The following SLC22A5 variants were observed in gnomAD, a reference collection of about 807,000 sequenced individuals.
SLC22A5 encodes organic cation/carnitine transporter 2.
In SLC22A5, 44 loss-of-function variants were observed where a neutral mutation model predicts 56.7. The ratio of observed to expected loss-of-function variants is 0.78; its 90% CI spans 0.61 to 1.00. The LOEUF (loss-of-function observed/expected upper bound fraction) is 1.00. SLC22A5 is among the 50% of genes least tolerant of loss of function. The pLI, the probability that SLC22A5 is intolerant of heterozygous loss-of-function variation, is 0.00. For synonymous variants in SLC22A5, 278 were observed against 292.1 expected, an observed-to-expected ratio of 0.95 and a Z score of 0.49; for missense variants, 675 against 723.0, an observed-to-expected ratio of 0.93 and a Z score of 0.76.
intron 3 of SLC22A5, among the ~76,000 whole-genome samples, chr5:132,384,837 G>A (rs1752467713): frequency 6.6e-6 from 1 of 152,232 alleles, no homozygotes; most frequent in African/African-American, 2.4e-5. Flanking sequence ...TGTCTCAAAT[G>A]TGCCAGCCTG....
chr5:132,388,986 T>C lies in SLC22A5; in HGVS notation c.1017T>C (p.Asn339=), dbSNP rs758572818. 1.4e-5 allele frequency: 22 copies of C among 1,613,682 alleles called. No homozygotes were observed. The Admixed American group carries it at 2.3e-4, about 17-fold the overall frequency. Residue 339 remains asparagine (N), a synonymous_variant, in exon 6 of 10, where the codon AAT becomes AAC. Transcript: ENST00000245407. ...TTCTGGATCTGCTTCGAACCTGGAA[T>C]ATCCGGATGGTCACCATCATGTCCA... ...HNILDLLRTW[N]IRMVTIMSIM...
At position 132,393,756 on chromosome 5, in the gene SLC22A5, G is replaced by C. The variant is rs1752784868; in HGVS notation, c.1531G>C (p.Glu511Gln). The C allele has an allele frequency of 6.2e-7, 1 of 1,614,136 alleles. No individual in the cohort carries two copies. The highest frequency in any genetic ancestry group is 8.5e-7 in the Non-Finnish European group (1 of 1,180,026). Reference protein sequence around the residue: ...LTAILTLFLPESFGTPLPDTI... With the variant: ...LTAILTLFLPQSFGTPLPDTI... ...AGCCATCCTCACCTTGTTTCTCCCA[G>C]AGAGCTTCGGTACCCCACTCCCAGA... The change falls in exon 9 of 10, where the codon GAG (glutamate) becomes CAG (glutamine). Residue 511 changes from glutamate (E) to glutamine (Q), a missense_variant. Glu to Gln is a conservative substitution (Grantham distance 29, BLOSUM62 2). Transcript: ENST00000245407.
intron 8 of SLC22A5, among the ~76,000 whole-genome samples, chr5:132,392,964 C>G (rs189576062): frequency 1.3e-5 from 2 of 152,132 alleles, no homozygotes; most frequent in African/African-American, 4.8e-5. Context: ...TTCTTGGAAT[C>G]AGAGTTTAAA....
intron 2 of SLC22A5, chr5:132,382,457 C>T (rs982393961): frequency 1.3e-4 from 17 of 133,820 alleles, no homozygotes; most frequent in South Asian, 1.0e-3. Context: ...TCCTTTAAAA[C>T]GTCTACCAGA....
At chr5:132,393,082 G>C (rs1366992660) in intron 8 of SLC22A5, among the ~76,000 whole-genome samples, 1 of 152,134 alleles carries the variant, frequency 6.6e-6, no homozygotes, top group Admixed American at 6.5e-5. Context: ...TCCACCCCAT[G>C]CCATTTTATG....
rs1177265994 is a variant in SLC22A5, at chr5:132,370,187, G to A, written c.215G>A (p.Arg72Gln). Residue 72 changes from arginine (R) to glutamine (Q), a missense_variant, in exon 1 of 10, where the codon CGG (arginine) becomes CAG (glutamine). Transcript: ENST00000245407. Reference protein sequence around the residue: ...WRNHTVPLRLRDGREVPHSCR... With the variant: ...WRNHTVPLRLQDGREVPHSCR... ...AACCACACTGTCCCACTGCGGCTGC[G>A]GGACGGCCGCGAGGTGCCCCACAGC... 14 of 1,596,954 alleles carry A rather than the reference G, an allele frequency of 8.8e-6. No homozygotes were observed. The highest frequency in any genetic ancestry group is 1.2e-5 in the Non-Finnish European group (14 of 1,172,130).
chr5:132,388,414 G>A (rs764692272), intron 5 of SLC22A5, among the ~76,000 whole-genome samples: 12 of 152,214 alleles, frequency 7.9e-5, no homozygotes, highest in Non-Finnish European at 1.5e-4. Flanking sequence ...TCTGGGTGAA[G>A]CTCAGGTCAA....
intron 2 of SLC22A5, chr5:132,382,803 T>G (rs1752395741): frequency 6.6e-6 from 1 of 152,216 alleles, no homozygotes; most frequent in Non-Finnish European, 1.5e-5. Context: ...TGACACTCCT[T>G]AAGGGCAGAA....
rs377767447 is a variant in SLC22A5 at position 132,370,203 on chromosome 5, GC to G, written c.235del (p.His79ThrfsTer51). On this transcript the variant is annotated frameshift_variant, in exon 1 of 10. Coordinates refer to ENST00000245407, the MANE Select transcript of SLC22A5 (RefSeq NM_003060.4). LOFTEE classifies it high-confidence loss of function. ...TGCGGCTGCGGGACGGCCGCGAGGTGCCCCACAGCTGCCGCCGCTACCGGCT... is the reference window on the plus strand; with the variant it reads ...TGCGGCTGCGGGACGGCCGCGAGGTGCCCACAGCTGCCGCCGCTACCGGCT... ...PLRLRDGREV[P>X]HSCRRYRLAT... is the part of the protein sequence containing the mutation. The G allele has an allele frequency of 1.9e-6, 3 of 1,591,144 alleles. No homozygotes were observed. In the South Asian group the frequency reaches 3.4e-5, roughly 18 times the overall value.
intron 1 of SLC22A5, chr5:132,376,644 T>C (rs1181071154): frequency 1.3e-5 from 2 of 152,262 alleles, no homozygotes; most frequent in Non-Finnish European, 1.5e-5. Flanking sequence ...CACCTCATGA[T>C]AGTCCTGTGA....
chr5:132,377,074 C>T (rs1752168154), intron 1 of SLC22A5: 1 of 152,436 alleles, frequency 6.6e-6, no homozygotes, highest in Non-Finnish European at 1.5e-5. Context: ...GGGATTGCCA[C>T]CCTACTCCCA....
Position 132,370,125 on chromosome 5 carries a change from G to T in SLC22A5, c.153G>T (p.Arg51=), listed in dbSNP as rs1330041441. 6.2e-7 allele frequency: 1 copy of T among 1,610,956 alleles called. No homozygotes were observed. Among genetic ancestry groups the T allele is most frequent in the African/African-American group, 1.3e-5 (1 of 75,022 alleles). ...FLIATPEHRC[R]VPDAANLSSA... is the part of the protein sequence containing the mutation. Reference sequence around the variant, plus strand: ...TAGCGACCCCGGAGCACCGCTGCCGGGTGCCGGACGCCGCGAACCTGAGCA... The same window carrying T: ...TAGCGACCCCGGAGCACCGCTGCCGTGTGCCGGACGCCGCGAACCTGAGCA... Residue 51 remains arginine (R), a synonymous_variant, in exon 1 of 10, where the codon CGG becomes CGT. Coordinates refer to ENST00000245407, the MANE Select transcript of SLC22A5 (RefSeq NM_003060.4).
chr5:132,385,504 G>A lies in SLC22A5; in HGVS notation c.824+5G>A, dbSNP rs2126784079. 1.2e-6 allele frequency: 2 copies of A among 1,613,690 alleles called. No individual in the cohort carries two copies. Among genetic ancestry groups the A allele is most frequent in the South Asian group, 1.1e-5 (1 of 91,076 alleles). On this transcript the variant is annotated splice_donor_5th_base_variant and intron_variant, in intron 4 of 9. Transcript: ENST00000245407. ...GCTATGCGTGGCACTCTGGTGGTGA[G>A]TGTGACCTTGTGCCCCATGTGCCCA...
Position 132,390,575 on chromosome 5 carries a change from A to C in SLC22A5, c.1053-115A>C, listed in dbSNP as rs560251799. The stretch of plus-strand genomic sequence containing the variant: ...GGGTTACAGTTACTGCTGCCTTACT[A>C]GTCTCTGCTTAAAGATGGTTTGGAA... On this transcript the variant is annotated intron_variant, in intron 6 of 9. Transcript: ENST00000245407. The C allele has an allele frequency of 8.4e-5, 67 of 799,134 alleles. 2 individuals carry two copies. Among genetic ancestry groups the C allele is most frequent in the South Asian group, 7.5e-4 (55 of 73,304 alleles). 49.5% of individuals were successfully genotyped at this position (799,134 alleles called of 1,614,324 possible). A position where few individuals can be genotyped will look rare whatever the true frequency, so the allele number is the denominator to read the frequency against.
rs772117317 is a variant in SLC22A5, at chr5:132,384,326, G to A, written c.652+25G>A. On this transcript the variant is annotated intron_variant, in intron 3 of 9. Transcript: ENST00000245407. ...GGTATGGCCATCAGGTTGGAGTTGA[G>A]TACTTGATCCTGTATTTCACCATCA... 4.3e-6 allele frequency: 7 copies of A among 1,609,872 alleles called. No individual in the cohort carries two copies. In the East Asian group the frequency reaches 1.6e-4, roughly 36 times the overall value.
rs1751836131 is a variant in SLC22A5 at position 132,370,114 on chromosome 5, C to T, written c.142C>T (p.His48Tyr). Reference protein sequence around the residue: ...SSVFLIATPEHRCRVPDAANL... With the variant: ...SSVFLIATPEYRCRVPDAANL... The stretch of plus-strand genomic sequence containing the variant: ...CGTGTTCCTGATAGCGACCCCGGAG[C>T]ACCGCTGCCGGGTGCCGGACGCCGC... Residue 48 changes from histidine to tyrosine, a missense_variant, in exon 1 of 10, where the codon CAC becomes TAC. By Grantham distance (83) the His-to-Tyr change is moderately conservative. Transcript: ENST00000245407. The T allele has an allele frequency of 1.2e-6, 2 of 1,611,558 alleles. No individual in the cohort carries two copies. The highest frequency in any genetic ancestry group is 1.1e-5 in the South Asian group (1 of 90,976).
In SLC22A5 at chr5:132,387,075, A is replaced by T. The variant is rs371692440; in HGVS notation, c.875A>T (p.Glu292Val). The T allele has an allele frequency of 1.7e-5, 27 of 1,613,950 alleles. No individual in the cohort carries two copies. The African/African-American group carries it at 3.3e-4, about 20-fold the overall frequency. ...RWLISQGRFE[E>V]AEVIIRKAAK... ...CTCATCTCTCAGGGACGATTTGAAG[A>T]GGCAGAGGTGATCATCCGCAAGGCT... is the stretch of plus-strand genomic sequence containing the variant. The change falls in exon 5 of 10, where the codon GAG (glutamate) becomes GTG (valine). Residue 292 changes from glutamate to valine, a missense_variant. Physicochemically the swap from Glu to Val is moderately radical, Grantham distance 121. Transcript: ENST00000245407.
At chr5:132,384,639 G>A (rs1752461994) in intron 3 of SLC22A5, among the ~76,000 whole-genome samples, 2 of 152,238 alleles carry the variant, frequency 1.3e-5, no homozygotes, top group Admixed American at 1.3e-4. Flanking sequence ...GCACAGGGCT[G>A]AGCCAGCCCC....
Position 132,387,078 on chromosome 5 carries a change from C to A in SLC22A5, c.878C>A (p.Ala293Glu). 6.2e-7 allele frequency: 1 copy of A among 1,614,096 alleles called. No homozygotes were observed. The highest frequency in any genetic ancestry group is 8.5e-7 in the Non-Finnish European group (1 of 1,179,934). The change falls in exon 5 of 10, where the codon GCA becomes GAA. Residue 293 changes from alanine (A) to glutamate (E), a missense_variant. Physicochemically the swap from Ala to Glu is moderately radical, Grantham distance 107. Transcript: ENST00000245407. ...ATCTCTCAGGGACGATTTGAAGAGG[C>A]AGAGGTGATCATCCGCAAGGCTGCC... Reference protein sequence around the residue: ...WLISQGRFEEAEVIIRKAAKA... With the variant: ...WLISQGRFEEEEVIIRKAAKA...
Sources: gnomAD v4.1 joint callset for allele counts (sites outside exome capture counted in the v4.1 genomes callset) on GRCh38, gnomAD v4.1.1 for gene constraint, MANE v1.5 for transcripts, NCBI Gene and HGNC (gene_info 2026-07-23, HGNC 2026-07-21) for gene names.